The following CRYBG1 variants were observed in gnomAD, a reference collection of about 807,000 sequenced individuals.
The protein encoded by CRYBG1 is beta/gamma crystallin domain-containing protein 1.
Under a neutral mutation model 189.2 loss-of-function variants are expected in CRYBG1, and 139 were observed. The observed-to-expected ratio is 0.73, with a 90% CI of 0.64 to 0.85. The LOEUF is 0.85. Among genes scored for constraint, CRYBG1 ranks in the 40% least tolerant of loss-of-function variants. CRYBG1 has a pLI of 0.00. For synonymous variants in CRYBG1, 1,023 were observed against 1,017.1 expected (o/e 1.01, Z -0.11); for missense variants, 2,611 against 2,675.8 (o/e 0.98, Z 0.53).
chr6:106,520,477 T>C lies in CRYBG1; in HGVS notation c.3269T>C (p.Ile1090Thr), dbSNP rs190627674. The change falls in exon 4 of 22, where the codon ATT becomes ACT. Residue 1090 changes from isoleucine to threonine, a missense_variant. Around this residue, in one of 3 missense-constraint regions of CRYBG1, gnomAD observed 1,622 missense variants for 1,735.0 expected, o/e 0.93. Coordinates refer to ENST00000633556, the MANE Select transcript of CRYBG1 (RefSeq NM_001371242.2). Reference protein sequence around the residue: ...GQDSPASLLNISAGSDDSVFD... With the variant: ...GQDSPASLLNTSAGSDDSVFD... The stretch of plus-strand genomic sequence containing the variant: ...GATAGCCCTGCCAGCCTTTTGAACA[T>C]TTCTGCTGGTAGTGATGATAGTGTA... 3 of 1,614,182 alleles carry C rather than the reference T, an allele frequency of 1.9e-6. No homozygotes were observed. Among genetic ancestry groups the C allele is most frequent in the African/African-American group, 2.7e-5 (2 of 75,050 alleles).
At chr6:106,474,968 T>C (rs1322374642) in intron 2 of CRYBG1, among the ~76,000 whole-genome samples, 1 of 152,196 alleles carries the variant, frequency 6.6e-6, no homozygotes, top group Non-Finnish European at 1.5e-5. Flanking sequence ...AACAGGTAGA[T>C]TTTTTAAAAA....
At chr6:106,467,457 G>A (rs1772137376) in intron 2 of CRYBG1, among the ~76,000 whole-genome samples, 1 of 151,912 alleles carries the variant, frequency 6.6e-6, no homozygotes, top group Non-Finnish European at 1.5e-5. Flanking sequence ...GGGCAACAGA[G>A]TAAGACCCTG....
rs376529762 is a variant in CRYBG1, at chr6:106,544,547, C to A, written c.5040-24C>A. ...ATGTTAACATGTCTGGAAATGACTACTCCTCGTGTTCTTTATGTTGCAGTT... is the reference window on the plus strand; with the variant it reads ...ATGTTAACATGTCTGGAAATGACTAATCCTCGTGTTCTTTATGTTGCAGTT... On this transcript the variant is annotated intron_variant, in intron 11 of 21. Coordinates refer to ENST00000633556, the MANE Select transcript of CRYBG1 (RefSeq NM_001371242.2). 5.0e-6 allele frequency: 8 copies of A among 1,608,038 alleles called. No homozygotes were observed. In the African/African-American group the frequency reaches 1.1e-4, roughly 22 times the overall value.
chr6:106,421,281 G>A (rs1582752874), intron 1 of CRYBG1, among the ~76,000 whole-genome samples: 1 of 152,244 alleles, frequency 6.6e-6, no homozygotes, highest in Non-Finnish European at 1.5e-5. Flanking sequence ...GAACCATGAT[G>A]AGGCAGCAGT....
intron 1 of CRYBG1, among the ~76,000 whole-genome samples, chr6:106,364,052 C>T (rs149741326): frequency 0.014 from 2,151 of 152,228 alleles, 55 homozygotes; most frequent in African/African-American, 0.048. Flanking sequence ...CAGCCGGGTG[C>T]GGTCACTCAC....
chr6:106,368,756 G>A (rs1488473853), intron 1 of CRYBG1, among the ~76,000 whole-genome samples: 3 of 152,032 alleles, frequency 2.0e-5, no homozygotes, highest in Non-Finnish European at 4.4e-5. Flanking sequence ...CAGAGACCTA[G>A]ATTGAGTTGC....
chr6:106,547,580 A>G (rs939827962), intron 13 of CRYBG1, among the ~76,000 whole-genome samples: 3 of 152,212 alleles, frequency 2.0e-5, no homozygotes, highest in Admixed American at 1.3e-4. Context: ...AATAGTTTCA[A>G]AGGAAAATTA....
At chr6:106,378,738 G>A (rs767250220) in intron 1 of CRYBG1, among the ~76,000 whole-genome samples, 11 of 152,242 alleles carry the variant, frequency 7.2e-5, no homozygotes, top group Non-Finnish European at 1.5e-4. Flanking sequence ...TTTCACTACA[G>A]TAGATAGAAA....
chr6:106,458,204 C>A (rs1301321479), intron 2 of CRYBG1, among the ~76,000 whole-genome samples: 1 of 152,212 alleles, frequency 6.6e-6, no homozygotes, highest in African/African-American at 2.4e-5. Context: ...TAATGATTTT[C>A]TGATGTGCTG....
intron 11 of CRYBG1, 91 bp from the exon 12 acceptor site, chr6:106,544,480 C>T (rs1774214894): frequency 1.1e-5 from 16 of 1,424,908 alleles, no homozygotes; most frequent in Non-Finnish European, 1.4e-5. Flanking sequence ...AGCTTTATAA[C>T]TATTTGTATT....
chr6:106,370,759 G>A (rs1770008113), intron 1 of CRYBG1, among the ~76,000 whole-genome samples: 1 of 152,076 alleles, frequency 6.6e-6, no homozygotes, highest in Admixed American at 6.6e-5. Context: ...GGGTTCTCTT[G>A]CATTGTGTAC....
intron 4 of CRYBG1, among the ~76,000 whole-genome samples, chr6:106,523,242 G>T (rs1582816795): frequency 6.6e-6 from 1 of 152,088 alleles, no homozygotes; most frequent in Non-Finnish European, 1.5e-5. Context: ...GAGAACCACT[G>T]CTATAAACAA....
chr6:106,511,379 GA>G lies in CRYBG1; in HGVS notation c.313-46del. On this transcript the variant is annotated intron_variant, in intron 2 of 21. Transcript: ENST00000633556. Reference sequence around the variant, plus strand: ...TGGTTCTGTAATGTACGTCTAAGGGGAAAAACACCAGATTCTCATATGTTCC... The same window carrying G: ...TGGTTCTGTAATGTACGTCTAAGGGGAAAACACCAGATTCTCATATGTTCC... 4.8e-6 allele frequency: 7 copies of G among 1,445,864 alleles called. No homozygotes were observed. In the Admixed American group the frequency reaches 1.2e-4, roughly 24 times the overall value. 89.6% of individuals were successfully genotyped at this position (1,445,864 alleles called of 1,614,324 possible).
intron 1 of CRYBG1, among the ~76,000 whole-genome samples, chr6:106,394,859 ATTT>A (rs34252257): frequency 1.4e-5 from 2 of 142,114 alleles, no homozygotes; most frequent in African/African-American, 5.2e-5. Flanking sequence ...ACACAGCAGA[ATTT>A]TTTTTTTTTT....
intron 8 of CRYBG1, among the ~76,000 whole-genome samples, chr6:106,533,650 A>G (rs1042686958): frequency 6.6e-6 from 1 of 152,182 alleles, no homozygotes. Context: ...AGCATTTCTG[A>G]CAGATTGTGT....
intron 1 of CRYBG1, among the ~76,000 whole-genome samples, chr6:106,413,464 G>A (rs1439990028): frequency 6.6e-6 from 1 of 152,120 alleles, no homozygotes; most frequent in Non-Finnish European, 1.5e-5. Context: ...ATCGCCTGAG[G>A]TCAGGAGTTT....
At chr6:106,475,434 G>A (rs1199000270) in intron 2 of CRYBG1, among the ~76,000 whole-genome samples, 1 of 152,170 alleles carries the variant, frequency 6.6e-6, no homozygotes, top group Non-Finnish European at 1.5e-5. Flanking sequence ...GGTAGTCAGG[G>A]AGGGCTCCTG....
chr6:106,453,446 T>C (rs187230918), intron 2 of CRYBG1, among the ~76,000 whole-genome samples: 5 of 152,354 alleles, frequency 3.3e-5, no homozygotes, highest in Admixed American at 3.3e-4. Context: ...CCGTACTTTA[T>C]ACTTACTTTC....
At chr6:106,429,626 G>A (rs1243192695) in intron 1 of CRYBG1, among the ~76,000 whole-genome samples, 1 of 152,222 alleles carries the variant, frequency 6.6e-6, no homozygotes, top group Non-Finnish European at 1.5e-5. Context: ...AGGCCTTATA[G>A]TACAGTAAAT....
Sources: gnomAD v4.1 joint callset for allele counts (sites outside exome capture counted in the v4.1 genomes callset) on GRCh38, gnomAD v4.1.1 for gene constraint, gnomAD v4.1.1 regional missense constraint, MANE v1.5 for transcripts, NCBI Gene and HGNC (gene_info 2026-07-23, HGNC 2026-07-21) for gene names.